Variants in GSTO2 observed in about 807,000 individuals in gnomAD.
GSTO2 encodes the protein glutathione S-transferase omega-2.
GSTO2 carries 23 observed loss-of-function variants against 28.4 expected under a neutral mutation model. The observed-to-expected ratio is 0.81, with a 90% confidence interval of 0.58 to 1.15. The LOEUF (loss-of-function observed/expected upper bound fraction) is 1.15. Ranked by LOEUF, GSTO2 falls within the 50% of genes most tolerant of loss-of-function variation. The pLI, the probability that GSTO2 is intolerant of heterozygous loss-of-function variation, is 0.00. For missense variants in GSTO2, 298 were observed against 297.8 expected (o/e 1.00, Z 0.00); for synonymous variants, 109 against 111.0 (o/e 0.98, Z 0.11).
intron 5 of GSTO2, among the ~76,000 whole-genome samples, chr10:104,281,595 G>A (rs1243380649): frequency 1.3e-5 from 2 of 152,166 alleles, no homozygotes; most frequent in Non-Finnish European, 2.9e-5. Context: ...CCAGTATTTT[G>A]TGCCATGAAT....
chr10:104,297,619 T>TGGTAACCAATCA lies in GSTO2; in HGVS notation c.510_511insGGTAACCAATCA (p.Cys170_Ile171insGlyAsnGlnSer). ...ACACCACCTTCTTTGGTGGAACCTGTATATCCATGATTGATTACCTCCTCT... is the reference window on the plus strand; with the variant it reads ...ACACCACCTTCTTTGGTGGAACCTGTGGTAACCAATCAATATCCATGATTGATTACCTCCTCT... On this transcript the variant is annotated inframe_insertion, in exon 6 of 7. Transcript: ENST00000338595. 6.2e-7 allele frequency: 1 copy of TGGTAACCAATCA among 1,613,860 alleles called. No individual in the cohort carries two copies. The highest frequency in any genetic ancestry group is 8.5e-7 in the Non-Finnish European group (1 of 1,179,782).
intron 5 of GSTO2, among the ~76,000 whole-genome samples, chr10:104,283,378 C>A (rs2012201564): frequency 6.6e-6 from 1 of 152,182 alleles, no homozygotes; most frequent in African/African-American, 2.4e-5. Flanking sequence ...GTAATCCAGG[C>A]ACTTTGGGAG....
intron 1 of GSTO2, among the ~76,000 whole-genome samples, chr10:104,271,316 TCA>T (rs2011391530): frequency 6.6e-6 from 1 of 152,242 alleles, no homozygotes; most frequent in South Asian, 2.1e-4. Context: ...CAAAGCCGAA[TCA>T]CAGTGTGCTT....
chr10:104,280,815 C>G (rs901519165), intron 5 of GSTO2, among the ~76,000 whole-genome samples: 1 of 152,206 alleles, frequency 6.6e-6, no homozygotes, highest in African/African-American at 2.4e-5. Context: ...TAATACTCTT[C>G]CATTTGACCT....
Position 104,303,476 on chromosome 10 carries a change from A to C in GSTO2, c.*4192A>C, listed in dbSNP as rs1244644713. The C allele has an allele frequency of 6.6e-6, 1 of 152,254 alleles. No homozygotes were observed. Among genetic ancestry groups the C allele is most frequent in the Non-Finnish European group, 1.5e-5 (1 of 68,042 alleles). The allele number at this position is 152,254 out of a possible 1,614,324, so 9.4% of individuals were successfully genotyped here. On this transcript the variant is annotated 3_prime_UTR_variant, in exon 7 of 7. Coordinates refer to ENST00000338595, the MANE Select transcript of GSTO2 (RefSeq NM_183239.2). ...TATCTGGCAGAAAAAATTTCTAAGCAGCAAAGCATTCAAGATGCGCCCTGG... is the reference window on the plus strand; with the variant it reads ...TATCTGGCAGAAAAAATTTCTAAGCCGCAAAGCATTCAAGATGCGCCCTGG...
intron 5 of GSTO2, among the ~76,000 whole-genome samples, chr10:104,293,534 T>C (rs2135138160): frequency 6.7e-6 from 1 of 149,688 alleles, no homozygotes; most frequent in African/African-American, 2.5e-5. Flanking sequence ...ATTGCTGTGA[T>C]TACAGGCATG....
rs1435543238 is a variant in GSTO2 at position 104,269,201 on chromosome 10, C to G, written c.-300C>G. On this transcript the variant is annotated 5_prime_UTR_variant, in exon 1 of 7. Transcript: ENST00000338595. Reference sequence around the variant, plus strand: ...GGCCCCGCCTCCTTGCTGCTGCTGCCGCCGCCAATCCTGGTCCGGTTGCCC... The same window carrying G: ...GGCCCCGCCTCCTTGCTGCTGCTGCGGCCGCCAATCCTGGTCCGGTTGCCC... 6.6e-6 allele frequency: 1 copy of G among 152,548 alleles called. No homozygotes were observed. Among genetic ancestry groups the G allele is most frequent in the Non-Finnish European group, 1.5e-5 (1 of 68,300 alleles). The allele number at this position is 152,548 out of a possible 1,614,324, so 9.4% of individuals were successfully genotyped here. A position where few individuals can be genotyped will look rare whatever the true frequency, so the allele number is the denominator to read the frequency against.
intron 1 of GSTO2, among the ~76,000 whole-genome samples, chr10:104,272,163 C>T (rs528111372): frequency 3.3e-4 from 50 of 152,198 alleles, no homozygotes; most frequent in African/African-American, 1.2e-3. Flanking sequence ...TGTGCGGGGG[C>T]ACAGGGTATA....
intron 5 of GSTO2, among the ~76,000 whole-genome samples, chr10:104,287,178 G>T (rs2012487286): frequency 6.6e-6 from 1 of 152,100 alleles, no homozygotes; most frequent in South Asian, 2.1e-4. Context: ...TCAGTCTCCT[G>T]AGTAGCTGGG....
At chr10:104,273,939 A>C (rs1401059999) in intron 1 of GSTO2, among the ~76,000 whole-genome samples, 1 of 152,206 alleles carries the variant, frequency 6.6e-6, no homozygotes, top group Non-Finnish European at 1.5e-5. Flanking sequence ...TAATCCTACA[A>C]AATGCATTTA....
intron 5 of GSTO2, among the ~76,000 whole-genome samples, chr10:104,290,177 A>G (rs2012690042): frequency 6.6e-6 from 1 of 152,204 alleles, no homozygotes; most frequent in Admixed American, 6.5e-5. Context: ...ATTTGAAAGC[A>G]ACCTAAGTGT....
chr10:104,286,013 C>G (rs1477098813), intron 5 of GSTO2: 2 of 283,822 alleles, frequency 7.0e-6, no homozygotes, highest in South Asian at 2.9e-5. Context: ...ATATAGTAGA[C>G]TACAAGCTAA....
At chr10:104,273,291 C>T (rs1465670552) in intron 1 of GSTO2, among the ~76,000 whole-genome samples, 1 of 152,238 alleles carries the variant, frequency 6.6e-6, no homozygotes, top group East Asian at 1.9e-4. Flanking sequence ...TTCTCCAACA[C>T]CAGATTTCTT....
intron 5 of GSTO2, among the ~76,000 whole-genome samples, chr10:104,289,895 C>T (rs550327152): frequency 1.3e-5 from 2 of 152,268 alleles, no homozygotes; most frequent in Admixed American, 1.3e-4. Context: ...TCATCTCACC[C>T]CAGTTAAAAT....
Position 104,301,809 on chromosome 10 carries a change from C to T in GSTO2, c.*2525C>T, listed in dbSNP as rs917940113. On this transcript the variant is annotated 3_prime_UTR_variant, in exon 7 of 7. Coordinates refer to ENST00000338595, the MANE Select transcript of GSTO2 (RefSeq NM_183239.2). The stretch of plus-strand genomic sequence containing the variant: ...GACCAGGCTGGTCTTGAACTCCTGG[C>T]TTCAAGTGATCCTCCCATCTCGGCA... 2.0e-5 allele frequency: 3 copies of T among 152,148 alleles called. No individual in the cohort carries two copies. Among genetic ancestry groups the T allele is most frequent in the African/African-American group, 4.8e-5 (2 of 41,398 alleles). 9.4% of individuals were successfully genotyped at this position (152,148 alleles called of 1,614,324 possible).
intron 5 of GSTO2, 73 bp downstream of exon 5, chr10:104,279,544 T>A: frequency 1.0e-6 from 1 of 954,392 alleles, no homozygotes; most frequent in Non-Finnish European, 1.7e-6. Context: ...CTGGTCACTC[T>A]AACACCAGCT....
In GSTO2 at chr10:104,300,312, TG is replaced by T. The variant is rs992564079; in HGVS notation, c.*1030del. ...CAGCCACAAGCAAAGGTCATTCCGT[TG>T]GATTTGCGTCACACTCTCTTCCAAT... On this transcript the variant is annotated 3_prime_UTR_variant, in exon 7 of 7. Transcript: ENST00000338595. The T allele has an allele frequency of 3.2e-4, 49 of 152,368 alleles. No individual in the cohort carries two copies. The highest frequency in any genetic ancestry group is 1.2e-3 in the African/African-American group (48 of 41,578). 9.4% of individuals were successfully genotyped at this position (152,368 alleles called of 1,614,324 possible).
chr10:104,303,187 T>C lies in GSTO2; in HGVS notation c.*3903T>C, dbSNP rs899249586. The C allele has an allele frequency of 6.6e-6, 1 of 152,192 alleles. No individual in the cohort carries two copies. Among genetic ancestry groups the C allele is most frequent in the East Asian group, 1.9e-4 (1 of 5,198 alleles). The allele number at this position is 152,192 out of a possible 1,614,324, so 9.4% of individuals were successfully genotyped here. On this transcript the variant is annotated 3_prime_UTR_variant, in exon 7 of 7. Transcript: ENST00000338595. ...GTTCTCATGATTTAGCTCCCACTTA[T>C]AAGTGAGAACATGCAGTTTTTGTAA... is the stretch of plus-strand genomic sequence containing the variant.
At chr10:104,297,705 G>A (rs762755198) in intron 6 of GSTO2, 21 bp downstream of exon 6, 1 of 1,530,542 alleles carries the variant, frequency 6.5e-7, no homozygotes, top group Non-Finnish European at 9.1e-7. Context: ...TGACATTGTG[G>A]TGTTAAATTC....
Sources: gnomAD v4.1 joint callset for allele counts (sites outside exome capture counted in the v4.1 genomes callset) on GRCh38, gnomAD v4.1.1 for gene constraint, MANE v1.5 for transcripts, NCBI Gene and HGNC (gene_info 2026-07-23, HGNC 2026-07-21) for gene names.